The following ANK2 variants were observed in gnomAD, a reference collection of about 807,000 sequenced individuals.
The protein encoded by ANK2 is ankyrin 2, also known as ankyrin-2.
Under a neutral mutation model 360.5 loss-of-function variants are expected in ANK2, and 83 were observed. The ratio of observed to expected loss-of-function variants is 0.23; its 90% CI spans 0.19 to 0.28. ANK2 has a LOEUF of 0.28. Among genes scored for constraint, ANK2 ranks in the 10% least tolerant of loss-of-function variants. The pLI is 1.00. For synonymous variants in ANK2, 1,740 were observed against 1,759.5 expected, an observed-to-expected ratio of 0.99 and a Z score of 0.28; for missense variants, 4,201 against 4,795.7, an observed-to-expected ratio of 0.88 and a Z score of 3.66.
intron 2 of ANK2, among the ~76,000 whole-genome samples, chr4:113,192,116 C>T (rs2098675017): frequency 6.6e-6 from 1 of 151,998 alleles, no homozygotes; most frequent in East Asian, 1.9e-4. Flanking sequence ...CTGAATGTGC[C>T]GGTTTGTTAC....
intron 1 of ANK2, among the ~76,000 whole-genome samples, chr4:112,885,131 T>G (rs1560946342): frequency 6.6e-6 from 1 of 152,204 alleles, no homozygotes; most frequent in East Asian, 1.9e-4. Context: ...TGCCCTTTTT[T>G]TCTCTGTCTT....
Position 113,292,500 on chromosome 4 carries a change from A to G in ANK2, c.2362A>G (p.Asn788Asp). Residue 788 changes from asparagine (N) to aspartate (D), a missense_variant, in exon 21 of 46, where the codon AAC becomes GAC. Physicochemically the swap from Asn to Asp is conservative, Grantham distance 23 (BLOSUM62 1). Coordinates refer to ENST00000357077, the MANE Select transcript of ANK2 (RefSeq NM_001148.6). ...NVLLQHGAKPNATTANGNTAL... is the reference protein window; with the variant it reads ...NVLLQHGAKPDATTANGNTAL... ...CCTGCTCCAGCATGGGGCCAAGCCC[A>G]ACGCCACCACTGCGGTAAGGCAGAC... 1 of 1,610,302 alleles carries G rather than the reference A, an allele frequency of 6.2e-7. No homozygotes were observed. Among genetic ancestry groups the G allele is most frequent in the African/African-American group, 1.3e-5 (1 of 74,930 alleles).
At chr4:113,148,352 A>C (rs2096911821) in intron 1 of ANK2, among the ~76,000 whole-genome samples, 2 of 152,182 alleles carry the variant, frequency 1.3e-5, no homozygotes, top group Admixed American at 1.3e-4. Flanking sequence ...AAAACCATAG[A>C]TGCGATGCTT....
intron 26 of ANK2, chr4:113,323,888 T>C (rs2088053181): frequency 8.2e-7 from 1 of 1,218,898 alleles, no homozygotes; most frequent in Non-Finnish European, 1.1e-6. Flanking sequence ...TCAGGATGCT[T>C]TAGTGTGAAG....
chr4:113,242,054 A>G, intron 8 of ANK2, 57 bp from the exon 9 acceptor site: 11 of 1,399,554 alleles, frequency 7.9e-6, no homozygotes, highest in African/African-American at 1.4e-5. Flanking sequence ...ACACAAAGGC[A>G]TCGCCATCAT....
rs529325507 is a variant in ANK2, at chr4:112,930,607, C to T, written c.21+26093C>T. 7.2e-5 allele frequency among the ~76,000 whole-genome samples: 11 copies of T among 151,802 alleles called. No individual in the cohort carries two copies. In the East Asian group the frequency reaches 7.8e-4, roughly 11 times the overall value. Reference sequence around the variant, plus strand: ...GTAGGAGTAAGACTTAAAGTGATGACGCCGGGTGCAGTGGCCCATGCCTGT... The same window carrying T: ...GTAGGAGTAAGACTTAAAGTGATGATGCCGGGTGCAGTGGCCCATGCCTGT... On this transcript the variant is annotated intron_variant, in intron 2 of 30. Coordinates refer to the ANK2 transcript ENST00000503271.
intron 1 of ANK2, among the ~76,000 whole-genome samples, chr4:113,119,175 A>G (rs1264062728): frequency 6.6e-6 from 1 of 151,944 alleles, no homozygotes; most frequent in Non-Finnish European, 1.5e-5. Flanking sequence ...CTTCACATGT[A>G]GATATTATAT....
chr4:112,899,992 T>A (rs187430238), intron 1 of ANK2, among the ~76,000 whole-genome samples: 27 of 152,322 alleles, frequency 1.8e-4, no homozygotes, highest in Admixed American at 1.4e-3. Flanking sequence ...TTTGTATTAC[T>A]GGCCACATTT....
the ANK2 span, among the ~76,000 whole-genome samples, chr4:112,720,161 A>T: frequency 6.6e-6 from 1 of 152,036 alleles, no homozygotes; most frequent in Non-Finnish European, 1.5e-5. Context: ...TTTTCATCTC[A>T]CATATTTATA....
At chr4:113,267,604 T>C (rs1171571237) in intron 14 of ANK2, among the ~76,000 whole-genome samples, 1 of 152,194 alleles carries the variant, frequency 6.6e-6, no homozygotes, top group Non-Finnish European at 1.5e-5. Context: ...GTTCCATTGG[T>C]CTATATATCT....
Position 113,067,335 on chromosome 4 carries a change from CAA to C in ANK2, c.84+17524_84+17525del, listed in dbSNP as rs80186630. On this transcript the variant is annotated intron_variant, in intron 1 of 45. Coordinates refer to ENST00000357077, the MANE Select transcript of ANK2 (RefSeq NM_001148.6). Reference sequence around the variant, plus strand: ...TGAAATGGAGGGGGCGGAGGGGAAACAAGAGTCCAAGATGGCCCCTTGGTGTG... The same window carrying C: ...TGAAATGGAGGGGGCGGAGGGGAAACGAGTCCAAGATGGCCCCTTGGTGTG... Among the ~76,000 whole-genome samples the C allele has an allele frequency of 4.1e-3, 624 of 152,198 alleles. 23 individuals are homozygous for C. In the East Asian group the frequency reaches 0.094, roughly 23 times the overall value.
At chr4:112,761,828 C>T in the ANK2 span, among the ~76,000 whole-genome samples, 1 of 152,054 alleles carries the variant, frequency 6.6e-6, no homozygotes, top group African/African-American at 2.4e-5. Flanking sequence ...TTCCTCATGT[C>T]ACTCTATTCT....
chr4:113,341,799 A>C lies in ANK2; in HGVS notation c.4005A>C (p.Lys1335Asn). 1 of 1,614,158 alleles carries C rather than the reference A, an allele frequency of 6.2e-7. No individual in the cohort carries two copies. Among genetic ancestry groups the C allele is most frequent in the Non-Finnish European group, 8.5e-7 (1 of 1,180,030 alleles). Reference protein sequence around the residue: ...PYMAKFVVFAKSHDPIEARLR... With the variant: ...PYMAKFVVFANSHDPIEARLR... ...TGGCCAAATTTGTAGTGTTTGCCAA[A>C]TCACATGACCCCATTGAAGCCAGGT... The change falls in exon 33 of 46, where the codon AAA (lysine) becomes AAC (asparagine). Residue 1335 changes from lysine to asparagine, a missense_variant. Physicochemically the swap from Lys to Asn is moderately conservative, Grantham distance 94. Around this residue, in one of 4 missense-constraint regions of ANK2, gnomAD observed 1,268 missense variants for 1,650.8 expected, o/e 0.77. Transcript: ENST00000357077.
intron 2 of ANK2, among the ~76,000 whole-genome samples, chr4:113,190,585 A>G (rs1030999781): frequency 2.6e-5 from 4 of 152,296 alleles, no homozygotes; most frequent in African/African-American, 9.6e-5. Flanking sequence ...AGAGCTAATG[A>G]GAAGTTGAGG....
At chr4:112,791,502 T>G in the ANK2 span, among the ~76,000 whole-genome samples, 2 of 92,634 alleles carry the variant, frequency 2.2e-5, no homozygotes, top group African/African-American at 8.9e-5. Flanking sequence ...TTTTTTTTTT[T>G]TCTTGAGACA....
At chr4:112,967,434 C>A (rs1006148962) in intron 2 of ANK2, among the ~76,000 whole-genome samples, 1 of 152,224 alleles carries the variant, frequency 6.6e-6, no homozygotes, top group African/African-American at 2.4e-5. Context: ...TTTTCCCTCA[C>A]CACCATTTAG....
At chr4:112,991,612 TTTCTTTC>T in intron 2 of ANK2, among the ~76,000 whole-genome samples, 1 of 87,896 alleles carries the variant, frequency 1.1e-5, no homozygotes, top group Non-Finnish European at 2.5e-5. Flanking sequence ...TTTTCTTTTC[TTTCTTTC>T]TTTTTTTTTT....
intron 4 of ANK2, among the ~76,000 whole-genome samples, chr4:113,200,625 A>G (rs186676217): frequency 6.6e-6 from 1 of 152,340 alleles, no homozygotes. Context: ...AATGGCCCCC[A>G]GCTCCATCCA....
chr4:113,040,499 T>C (rs1214463792), intron 2 of ANK2, among the ~76,000 whole-genome samples: 3 of 152,174 alleles, frequency 2.0e-5, no homozygotes, highest in East Asian at 1.9e-4. Flanking sequence ...CTGCTGCTGC[T>C]GCTTTAAAAT....
Sources: gnomAD v4.1 joint callset for allele counts (sites outside exome capture counted in the v4.1 genomes callset) on GRCh38, gnomAD v4.1.1 for gene constraint, gnomAD v4.1.1 regional missense constraint, MANE v1.5 for transcripts, NCBI Gene and HGNC (gene_info 2026-07-23, HGNC 2026-07-21) for gene names.